Variants in DLGAP1 observed in about 807,000 individuals in gnomAD.
DLGAP1 encodes DLG associated protein 1.
DLGAP1 carries 11 observed loss-of-function variants against 90.8 expected under a neutral mutation model. The observed-to-expected ratio is 0.12, with a 90% confidence interval of 0.08 to 0.20. The LOEUF (loss-of-function observed/expected upper bound fraction) is 0.20, where lower values mean the gene tolerates loss of function less well. Ranked by LOEUF, DLGAP1 falls within the 10% of genes least tolerant of loss-of-function variation. DLGAP1 has a pLI of 1.00. For synonymous variants in DLGAP1, 558 were observed against 540.7 expected (o/e 1.03, Z -0.44); for missense variants, 1,050 against 1,333.8 (o/e 0.79, Z 3.31).
At chr18:4,434,349 G>C (rs1213234945) in intron 1 of DLGAP1, among the ~76,000 whole-genome samples, 1 of 152,078 alleles carries the variant, frequency 6.6e-6, no homozygotes, top group Non-Finnish European at 1.5e-5. Flanking sequence ...ATACAATACA[G>C]AGATAACTGA....
At chr18:3,629,534 T>C (rs926197938) in intron 7 of DLGAP1, among the ~76,000 whole-genome samples, 4 of 151,702 alleles carry the variant, frequency 2.6e-5, no homozygotes, top group African/African-American at 9.7e-5. Context: ...TAGCCGGGCG[T>C]GTTGGTGGGC....
chr18:3,610,737 G>T (rs2057568679), intron 7 of DLGAP1, among the ~76,000 whole-genome samples: 1 of 152,108 alleles, frequency 6.6e-6, no homozygotes, highest in South Asian at 2.1e-4. Context: ...TACTTGGGAG[G>T]CTGAGGCAGG....
At chr18:3,856,319 T>C (rs537674841) in intron 4 of DLGAP1, among the ~76,000 whole-genome samples, 5 of 152,178 alleles carry the variant, frequency 3.3e-5, no homozygotes, top group East Asian at 1.9e-4. Flanking sequence ...TTATAAGCAC[T>C]GGGGTAAAAA....
chr18:4,056,401 T>C (rs1026562649), intron 2 of DLGAP1, among the ~76,000 whole-genome samples: 9 of 152,118 alleles, frequency 5.9e-5, no homozygotes, highest in Non-Finnish European at 1.2e-4. Context: ...AAACTTGACA[T>C]AAATGTGGTA....
intron 10 of DLGAP1, among the ~76,000 whole-genome samples, chr18:3,533,581 T>C (rs1412595826): frequency 1.3e-5 from 2 of 152,076 alleles, no homozygotes; most frequent in Non-Finnish European, 2.9e-5. Flanking sequence ...ATTATTTATA[T>C]ATTTATTTTT....
At chr18:3,948,356 C>T (rs2148960254) in intron 3 of DLGAP1, among the ~76,000 whole-genome samples, 1 of 151,902 alleles carries the variant, frequency 6.6e-6, no homozygotes, top group African/African-American at 2.4e-5. Context: ...GATGCTGGAT[C>T]CCCCTTCCTT....
At chr18:4,442,125 G>A (rs1457387673) in intron 1 of DLGAP1, among the ~76,000 whole-genome samples, 1 of 152,074 alleles carries the variant, frequency 6.6e-6, no homozygotes, top group African/African-American at 2.4e-5. Flanking sequence ...CCAAGTAGCT[G>A]GGATTACAGG....
At chr18:4,202,886 T>C (rs2077633827) in intron 1 of DLGAP1, among the ~76,000 whole-genome samples, 1 of 152,206 alleles carries the variant, frequency 6.6e-6, no homozygotes, top group African/African-American at 2.4e-5. Flanking sequence ...CTTTTGACAG[T>C]AAAATGATAA....
chr18:3,930,350 T>A (rs144591023), intron 3 of DLGAP1, among the ~76,000 whole-genome samples: 54 of 152,336 alleles, frequency 3.5e-4, no homozygotes, highest in African/African-American at 1.3e-3. Flanking sequence ...GTGGCAAATA[T>A]TTTCCCAGGT....
intron 2 of DLGAP1, among the ~76,000 whole-genome samples, chr18:4,035,677 C>T (rs765339497): frequency 7.9e-5 from 12 of 152,184 alleles, no homozygotes; most frequent in Non-Finnish European, 1.2e-4. Flanking sequence ...TTGCCACTTA[C>T]GCACTTAAAA....
intron 7 of DLGAP1, among the ~76,000 whole-genome samples, chr18:3,659,928 C>T (rs1253528256): frequency 2.0e-5 from 3 of 152,166 alleles, no homozygotes; most frequent in Admixed American, 2.0e-4. Flanking sequence ...CCATTAGCCA[C>T]ATGGTTTCTT....
intron 4 of DLGAP1, among the ~76,000 whole-genome samples, chr18:3,822,897 G>C (rs1167418488): frequency 6.6e-6 from 1 of 152,210 alleles, no homozygotes; most frequent in Non-Finnish European, 1.5e-5. Flanking sequence ...TGTAGTCCCA[G>C]CTACTTGGGA....
At chr18:4,207,930 A>C (rs1422460060) in intron 1 of DLGAP1, among the ~76,000 whole-genome samples, 2 of 152,216 alleles carry the variant, frequency 1.3e-5, no homozygotes, top group African/African-American at 4.8e-5. Context: ...ACTAGAAATC[A>C]TCCGCATTTT....
chr18:4,427,728 C>A (rs2083188488), intron 1 of DLGAP1, among the ~76,000 whole-genome samples: 1 of 152,154 alleles, frequency 6.6e-6, no homozygotes, highest in African/African-American at 2.4e-5. Flanking sequence ...TCTGGGATGG[C>A]CACAGGTTTG....
At position 3,552,221 on chromosome 18, in the gene DLGAP1, CCTCTCTTTT is replaced by C. The variant is rs545329970; in HGVS notation, c.2057+15260_2057+15268del. Among the ~76,000 whole-genome samples, 17 of 152,226 alleles carry C rather than the reference CCTCTCTTTT, an allele frequency of 1.1e-4. No individual in the cohort carries two copies. The East Asian group carries it at 3.3e-3, about 30-fold the overall frequency. On this transcript the variant is annotated intron_variant, in intron 9 of 12. Transcript: ENST00000315677. Reference sequence around the variant, plus strand: ...CATGGATGCTTCTTTACTCACCTTTCCTCTCTTTTCTCTCAAAAATAACTTTTTAATTTT... The same window carrying C: ...CATGGATGCTTCTTTACTCACCTTTCCTCTCAAAAATAACTTTTTAATTTT...
At chr18:3,536,310 G>A (rs1426112913) in intron 9 of DLGAP1, among the ~76,000 whole-genome samples, 1 of 148,746 alleles carries the variant, frequency 6.7e-6, no homozygotes, top group Non-Finnish European at 1.5e-5. Flanking sequence ...TGCAACCTGT[G>A]ACTCCCTGGT....
chr18:4,149,605 G>A (rs1368826356), intron 2 of DLGAP1, among the ~76,000 whole-genome samples: 1 of 152,198 alleles, frequency 6.6e-6, no homozygotes, highest in Non-Finnish European at 1.5e-5. Context: ...AGCAGGAAGT[G>A]AGCAGTGGGC....
intron 7 of DLGAP1, among the ~76,000 whole-genome samples, chr18:3,713,569 T>C (rs979903941): frequency 2.6e-5 from 4 of 152,228 alleles, no homozygotes; most frequent in South Asian, 2.1e-4. Context: ...TGGTATAAGA[T>C]AGAAGTATGC....
At chr18:4,177,220 C>T (rs1340287825) in intron 1 of DLGAP1, among the ~76,000 whole-genome samples, 4 of 152,264 alleles carry the variant, frequency 2.6e-5, no homozygotes, top group Non-Finnish European at 5.9e-5. Context: ...CAAATCTTCC[C>T]TTTCTCACTT....
Sources: gnomAD v4.1 joint callset for allele counts (sites outside exome capture counted in the v4.1 genomes callset) on GRCh38, gnomAD v4.1.1 for gene constraint, MANE v1.5 for transcripts, NCBI Gene and HGNC (gene_info 2026-07-23, HGNC 2026-07-21) for gene names.